Variants in NID2 observed in about 807,000 individuals in gnomAD.
The protein encoded by NID2 is nidogen 2, also known as nidogen-2.
A neutral mutation model predicts 145.4 loss-of-function variants in NID2; 83 were observed. That is an observed-to-expected ratio of 0.57 (90% CI 0.48 to 0.69). The LOEUF is 0.69. Ranked by LOEUF, NID2 falls within the 30% of genes least tolerant of loss-of-function variation. The pLI is 0.00. For synonymous variants in NID2, 739 were observed against 701.3 expected (o/e 1.05, Z -0.85); for missense variants, 1,807 against 1,765.7 (o/e 1.02, Z -0.42).
Position 52,020,151 on chromosome 14 carries a change from C to T in NID2, c.2702G>A (p.Cys901Tyr), listed in dbSNP as rs1891350709. Residue 901 changes from cysteine (C) to tyrosine (Y), a missense_variant, in exon 13 of 22, where the codon TGT (cysteine) becomes TAT (tyrosine). Transcript: ENST00000216286. ...TDVDECSENR[C>Y]HPAATCYNTP... Reference sequence around the variant, plus strand: ...ATTGTAGCAGGTAGCTGCAGGGTGACATCTGTTTTCTGAGCATTCATCTAC... The same window carrying T: ...ATTGTAGCAGGTAGCTGCAGGGTGATATCTGTTTTCTGAGCATTCATCTAC... 1.2e-6 allele frequency: 2 copies of T among 1,613,878 alleles called. No homozygotes were observed. Among genetic ancestry groups the T allele is most frequent in the Admixed American group, 1.7e-5 (1 of 60,000 alleles).
At position 52,028,795 on chromosome 14, in the gene NID2, G is replaced by A. The variant is rs770540065; in HGVS notation, c.2457C>T (p.Ile819=). The A allele has an allele frequency of 1.2e-6, 2 of 1,614,104 alleles. No individual in the cohort carries two copies. Among genetic ancestry groups the A allele is most frequent in the East Asian group, 2.2e-5 (1 of 44,876 alleles). ...FHRCGPNSVC[I]NLPGSYRCEC... is the part of the protein sequence containing the mutation. ...CACACCTGTAGCTTCCAGGCAAGTT[G>A]ATACATACAGAGTTGGGGCCACAGC... The change falls in exon 11 of 22, where the codon ATC becomes ATT. Residue 819 remains isoleucine, a synonymous_variant. Coordinates refer to ENST00000216286, the MANE Select transcript of NID2 (RefSeq NM_007361.4).
chr14:52,008,489 A>C (rs1181715284), intron 18 of NID2: 2 of 152,624 alleles, frequency 1.3e-5, no homozygotes, highest in African/African-American at 4.8e-5. Flanking sequence ...ACTAAATGTT[A>C]TCTTACACTG....
chr14:52,005,428 G>C lies in NID2; in HGVS notation c.*58C>G, dbSNP rs1890729658. 4 of 1,496,070 alleles carry C rather than the reference G, an allele frequency of 2.7e-6. No homozygotes were observed. In the South Asian group the frequency reaches 4.3e-5, roughly 16 times the overall value. The allele number at this position is 1,496,070 out of a possible 1,614,324, so 92.7% of individuals were successfully genotyped here. On this transcript the variant is annotated 3_prime_UTR_variant, in exon 22 of 22. Coordinates refer to ENST00000216286, the MANE Select transcript of NID2 (RefSeq NM_007361.4). ...TACTTTCTTTGCCTTTGCAGTCACTGTTCTTTAGGGTCCAGGTTCTGATTG... is the reference window on the plus strand; with the variant it reads ...TACTTTCTTTGCCTTTGCAGTCACTCTTCTTTAGGGTCCAGGTTCTGATTG...
At chr14:52,030,480 G>GAAAAGAAAGAAAA (rs1566755145) in intron 9 of NID2, among the ~76,000 whole-genome samples, 1 of 68,408 alleles carries the variant, frequency 1.5e-5, no homozygotes, top group Admixed American at 2.3e-4. Context: ...TCGAGAGAAA[G>GAAAAGAAAGAAAA]AAAAGAAAGA....
At position 52,009,198 on chromosome 14, in the gene NID2, A is replaced by C. The variant is rs538431798; in HGVS notation, c.3723-1231T>G. On this transcript the variant is annotated intron_variant, in intron 18 of 21. Transcript: ENST00000216286. ...AAGCTGAGAGCAAAAGCTAGAAAGC[A>C]GTTTCCACTTTGCGCTAAGGTGGAG... is the stretch of plus-strand genomic sequence containing the variant. The C allele has an allele frequency of 2.0e-4, 31 of 152,340 alleles. No homozygotes were observed. The East Asian group carries it at 6.0e-3, about 29-fold the overall frequency. The allele number at this position is 152,340 out of a possible 1,614,324, so 9.4% of individuals were successfully genotyped here.
In NID2 at chr14:52,046,341, A is replaced by AAAAAGC. The variant is rs33978626; in HGVS notation, c.1430-3411_1430-3410insGCTTTT. ...CCATCTCAAAAAAAAAAAAAAAAAAAAGCCGTTTTCATAATATTCAGATAA... is the reference window on the plus strand; with the variant it reads ...CCATCTCAAAAAAAAAAAAAAAAAAAAAAAGCAGCCGTTTTCATAATATTCAGATAA... On this transcript the variant is annotated intron_variant, in intron 5 of 21. Transcript: ENST00000216286. Among the ~76,000 whole-genome samples, 633 of 123,134 alleles carry AAAAAGC rather than the reference A, an allele frequency of 5.1e-3. 78 individuals carry two copies. Among genetic ancestry groups the AAAAAGC allele is most frequent in the African/African-American group, 0.014 (447 of 32,144 alleles). 80.8% of individuals were successfully genotyped at this position (123,134 alleles called of 152,430 possible).
intron 3 of NID2, among the ~76,000 whole-genome samples, chr14:52,054,603 T>C (rs921368186): frequency 2.0e-5 from 3 of 152,162 alleles, no homozygotes; most frequent in Admixed American, 1.3e-4. Flanking sequence ...AGCTACTCAG[T>C]AGGCTGAGGC....
At chr14:52,025,703 C>A (rs1891564878) in intron 12 of NID2, among the ~76,000 whole-genome samples, 1 of 152,096 alleles carries the variant, frequency 6.6e-6, no homozygotes, top group African/African-American at 2.4e-5. Context: ...TTATTTTAGG[C>A]AGGCCTCCCT....
At chr14:52,067,718 T>C (rs1419978370) in intron 2 of NID2, 140 bp downstream of exon 2, 1 of 1,014,542 alleles carries the variant, frequency 9.9e-7, no homozygotes, top group Admixed American at 2.1e-5. Flanking sequence ...CCCAAGCCAC[T>C]CCAGCCCTGC....
intron 20 of NID2, 97 bp from the exon 21 acceptor site, chr14:52,005,946 C>T: frequency 2.3e-6 from 2 of 861,742 alleles, no homozygotes. Context: ...AGGAAAATTT[C>T]TGGCAGCCTT....
At chr14:52,031,896 A>T (rs1891883517) in intron 9 of NID2, among the ~76,000 whole-genome samples, 1 of 152,238 alleles carries the variant, frequency 6.6e-6, no homozygotes, top group Non-Finnish European at 1.5e-5. Flanking sequence ...AACCTGGTCT[A>T]TACTCTCAAG....
intron 6 of NID2, 43 bp downstream of exon 6, chr14:52,042,738 CA>C: frequency 6.3e-7 from 1 of 1,595,714 alleles, no homozygotes; most frequent in Non-Finnish European, 8.6e-7. Context: ...AACAGGTAAG[CA>C]GCAGGAATAG....
intron 13 of NID2, among the ~76,000 whole-genome samples, chr14:52,019,601 T>C (rs186266567): frequency 6.6e-6 from 1 of 152,046 alleles, no homozygotes; most frequent in African/African-American, 2.4e-5. Flanking sequence ...AAGCCAAAGC[T>C]CATTCATGCC....
intron 3 of NID2, among the ~76,000 whole-genome samples, chr14:52,057,256 T>C (rs1408873785): frequency 6.6e-6 from 1 of 152,186 alleles, no homozygotes. Flanking sequence ...TTGCCCAGGC[T>C]GGCCTTGAAT....
intron 5 of NID2, among the ~76,000 whole-genome samples, chr14:52,046,544 G>A (rs1369448968): frequency 1.3e-5 from 2 of 152,160 alleles, no homozygotes; most frequent in South Asian, 2.1e-4. Flanking sequence ...GATATGGAGA[G>A]TTAAACTAGG....
chr14:52,021,731 A>C (rs999884998), intron 12 of NID2, among the ~76,000 whole-genome samples: 4 of 152,240 alleles, frequency 2.6e-5, no homozygotes, highest in African/African-American at 9.6e-5. Flanking sequence ...CATTTCGCCT[A>C]TAAAGGCAAG....
At chr14:52,020,003 A>C in intron 13 of NID2, 56 bp downstream of exon 13, 1 of 1,597,512 alleles carries the variant, frequency 6.3e-7, no homozygotes, top group Non-Finnish European at 8.5e-7. Context: ...TCATAGAAAA[A>C]TATCCTTGAA....
intron 9 of NID2, among the ~76,000 whole-genome samples, chr14:52,030,518 A>AGAAAG (rs765186269): frequency 1.1e-4 from 4 of 35,954 alleles, no homozygotes; most frequent in South Asian, 8.8e-4. Context: ...AAAGAAAGAA[A>AGAAAG]AGAAAGAAAG....
At chr14:52,007,635 C>G in intron 19 of NID2, 175 bp downstream of exon 19, 1 of 646,110 alleles carries the variant, frequency 1.5e-6, no homozygotes, top group Non-Finnish European at 2.7e-6. Flanking sequence ...ACCCAAACCC[C>G]AGAAAGTTCA....
Sources: gnomAD v4.1 joint callset for allele counts (sites outside exome capture counted in the v4.1 genomes callset) on GRCh38, gnomAD v4.1.1 for gene constraint, MANE v1.5 for transcripts, NCBI Gene and HGNC (gene_info 2026-07-23, HGNC 2026-07-21) for gene names.